Variants in RYR3 observed in about 807,000 individuals in gnomAD.
RYR3 encodes the protein brain ryanodine receptor-calcium release channel.
A neutral mutation model predicts 584.3 loss-of-function variants in RYR3; 207 were observed. The observed-to-expected ratio is 0.35, with a 90% CI of 0.32 to 0.40. RYR3 has a LOEUF of 0.40. Ranked by LOEUF, RYR3 falls within the 10% of genes least tolerant of loss-of-function variation. RYR3 has a pLI of 1.00. For synonymous variants in RYR3, 2,416 were observed against 2,248.5 expected, an observed-to-expected ratio of 1.07 and a Z score of -2.11; for missense variants, 5,616 against 6,089.2, an observed-to-expected ratio of 0.92 and a Z score of 2.59.
chr15:33,811,431 AACCT>A (rs2076536995), intron 72 of RYR3, among the ~76,000 whole-genome samples: 1 of 151,722 alleles, frequency 6.6e-6, no homozygotes, highest in African/African-American at 2.4e-5. Flanking sequence ...GAATGGTGTG[AACCT>A]GGGAGACGGA....
At chr15:33,648,774 T>C (rs1566869772) in intron 30 of RYR3, among the ~76,000 whole-genome samples, 1 of 152,192 alleles carries the variant, frequency 6.6e-6, no homozygotes, top group Non-Finnish European at 1.5e-5. Flanking sequence ...ACTGCTTCCA[T>C]CCACAGCATC....
In RYR3 at chr15:33,628,583, T is replaced by G; in HGVS notation, c.2679+8T>G. 6.4e-7 allele frequency: 1 copy of G among 1,567,500 alleles called. No individual in the cohort carries two copies. The highest frequency in any genetic ancestry group is 8.8e-7 in the Non-Finnish European group (1 of 1,137,690). On this transcript the variant is annotated splice_region_variant and intron_variant, in intron 21 of 103. Coordinates refer to ENST00000634891, the MANE Select transcript of RYR3 (RefSeq NM_001036.6). Reference sequence around the variant, plus strand: ...GGCTGGACTTTCGGCAAGGTATGTGTCTCAGGGCCAGGTTAGGGTGGAGGG... The same window carrying G: ...GGCTGGACTTTCGGCAAGGTATGTGGCTCAGGGCCAGGTTAGGGTGGAGGG...
intron 1 of RYR3, among the ~76,000 whole-genome samples, chr15:33,431,875 C>T (rs1018658953): frequency 3.9e-5 from 6 of 152,146 alleles, no homozygotes; most frequent in Admixed American, 2.0e-4. Context: ...AAAAGTAAAG[C>T]GTTGTCTCTT....
In RYR3 at chr15:33,726,290, C is replaced by T. The variant is rs972595605; in HGVS notation, c.6913-96C>T. The T allele has an allele frequency of 2.2e-6, 3 of 1,371,690 alleles. No homozygotes were observed. The South Asian group carries it at 3.8e-5, about 17-fold the overall frequency. 85.0% of individuals were successfully genotyped at this position (1,371,690 alleles called of 1,614,324 possible). A position where few individuals can be genotyped will look rare whatever the true frequency, so the allele number is the denominator to read the frequency against. ...AGGGAAACATAGAAATGGACCCCTG[C>T]CCTTAAGCCGTTTTACTGCCAGAGG... On this transcript the variant is annotated intron_variant, in intron 45 of 103. Coordinates refer to ENST00000634891, the MANE Select transcript of RYR3 (RefSeq NM_001036.6).
At chr15:33,846,835 G>C (rs55688824) in intron 93 of RYR3, among the ~76,000 whole-genome samples, 5,001 of 152,266 alleles carry the variant, frequency 0.033, 159 homozygotes, top group Non-Finnish European at 0.039. Context: ...TAAATGTAGA[G>C]GTATGTGTAA....
chr15:33,828,407 G>T (rs2077487478), intron 85 of RYR3, among the ~76,000 whole-genome samples: 1 of 152,168 alleles, frequency 6.6e-6, no homozygotes, highest in Non-Finnish European at 1.5e-5. Flanking sequence ...AGTAAGGAAG[G>T]CATGTTGAAA....
rs184575484 is a variant in RYR3, at chr15:33,777,968, G to A, written c.9138-2243G>A. 5.7e-3 allele frequency among the ~76,000 whole-genome samples: 866 copies of A among 152,074 alleles called. 9 individuals carry two copies. The highest frequency in any genetic ancestry group is 0.019 in the African/African-American group (809 of 41,488). ...GCGGATCACCTGAGGTCAGGAGTTCGAGGCCAGCCTGGCCAACATGGTGAC... is the reference window on the plus strand; with the variant it reads ...GCGGATCACCTGAGGTCAGGAGTTCAAGGCCAGCCTGGCCAACATGGTGAC... On this transcript the variant is annotated intron_variant, in intron 64 of 103. Coordinates refer to ENST00000634891, the MANE Select transcript of RYR3 (RefSeq NM_001036.6).
chr15:33,829,127 T>A (rs538322102), intron 85 of RYR3, among the ~76,000 whole-genome samples: 1 of 152,106 alleles, frequency 6.6e-6, no homozygotes, highest in African/African-American at 2.4e-5. Flanking sequence ...GTTTACAGCA[T>A]GATTTACTAT....
At chr15:33,678,405 A>C (rs971452235) in intron 38 of RYR3, among the ~76,000 whole-genome samples, 1 of 152,060 alleles carries the variant, frequency 6.6e-6, no homozygotes, top group Non-Finnish European at 1.5e-5. Context: ...CCATGATAAG[A>C]TGTGCTTGCT....
intron 1 of RYR3, among the ~76,000 whole-genome samples, chr15:33,467,015 A>G (rs1254737183): frequency 6.7e-6 from 1 of 149,804 alleles, no homozygotes; most frequent in Admixed American, 6.6e-5. Context: ...TCATTCCAAA[A>G]AGCCCACTTA....
Position 33,644,432 on chromosome 15 carries a change from T to C in RYR3, c.3678T>C (p.Ala1226=). 1.2e-6 allele frequency: 2 copies of C among 1,613,964 alleles called. No individual in the cohort carries two copies. Among genetic ancestry groups the C allele is most frequent in the Non-Finnish European group, 8.5e-7 (1 of 1,179,856 alleles). ...TCCAAGAGGGCTTTGAGCCTTTTGC[T>C]GTCAACATGAACAGAGATGTTGCTA... ...CGLQEGFEPF[A]VNMNRDVAMW... Residue 1226 remains alanine, a synonymous_variant, in exon 28 of 104, where the codon GCT becomes GCC. Transcript: ENST00000634891.
chr15:33,600,551 A>G (rs1382026317), intron 16 of RYR3, among the ~76,000 whole-genome samples: 1 of 152,054 alleles, frequency 6.6e-6, no homozygotes, highest in Admixed American at 6.5e-5. Context: ...GACAAGGCAG[A>G]CAGAGACTGT....
At chr15:33,318,320 G>T (rs1419289072) in intron 1 of RYR3, among the ~76,000 whole-genome samples, 7 of 152,252 alleles carry the variant, frequency 4.6e-5, no homozygotes, top group Admixed American at 1.3e-4. Context: ...GTGTCACTGT[G>T]ACCCTTGCAG....
chr15:33,564,591 GC>G (rs1426897310), intron 11 of RYR3, among the ~76,000 whole-genome samples: 1 of 152,138 alleles, frequency 6.6e-6, no homozygotes, highest in Non-Finnish European at 1.5e-5. Flanking sequence ...ACCATCTAGA[GC>G]CTCTACAGTT....
Position 33,741,780 on chromosome 15 carries a change from A to AT in RYR3, c.7821-579dup, listed in dbSNP as rs138055994. Among the ~76,000 whole-genome samples the AT allele has an allele frequency of 7.2e-5, 11 of 151,910 alleles. No homozygotes were observed. The East Asian group carries it at 1.9e-3, about 27-fold the overall frequency. ...AGGCACCAGCCACTACGCCCGGCTA[A>AT]TTTTTTTGTATTTTTAGTAGAGACG... is the stretch of plus-strand genomic sequence containing the variant. On this transcript the variant is annotated intron_variant, in intron 51 of 103. Transcript: ENST00000634891.
chr15:33,362,621 C>A (rs1029250315), intron 1 of RYR3, among the ~76,000 whole-genome samples: 1 of 152,198 alleles, frequency 6.6e-6, no homozygotes, highest in African/African-American at 2.4e-5. Flanking sequence ...CCTCAGCCTT[C>A]CTTGTCAGTC....
chr15:33,623,758 G>T, intron 19 of RYR3, 49 bp from the exon 20 acceptor site: 1 of 1,309,578 alleles, frequency 7.6e-7, no homozygotes, highest in Non-Finnish European at 1.1e-6. Flanking sequence ...TATTTGGGCT[G>T]CATTGTTTTT....
chr15:33,327,396 G>T (rs1369570609), intron 1 of RYR3, among the ~76,000 whole-genome samples: 1 of 152,140 alleles, frequency 6.6e-6, no homozygotes, highest in Non-Finnish European at 1.5e-5. Context: ...TGATAGTGTG[G>T]TACAACCATT....
rs553553403 is a variant in RYR3 at position 33,598,612 on chromosome 15, T to A, written c.1789-2807T>A. On this transcript the variant is annotated intron_variant, in intron 16 of 103. Transcript: ENST00000634891. ...ATGGGTCTTAGGCTATAGACTGCTGTCTGCCAGCCTAGAAGCAGGACAAAA... is the reference window on the plus strand; with the variant it reads ...ATGGGTCTTAGGCTATAGACTGCTGACTGCCAGCCTAGAAGCAGGACAAAA... Among the ~76,000 whole-genome samples, 8 of 150,706 alleles carry A rather than the reference T, an allele frequency of 5.3e-5. No individual in the cohort carries two copies. The South Asian group carries it at 1.7e-3, about 32-fold the overall frequency.
Sources: gnomAD v4.1 joint callset for allele counts (sites outside exome capture counted in the v4.1 genomes callset) on GRCh38, gnomAD v4.1.1 for gene constraint, MANE v1.5 for transcripts, NCBI Gene and HGNC (gene_info 2026-07-23, HGNC 2026-07-21) for gene names.